Variants in CST5 observed in about 807,000 individuals in gnomAD.
The protein encoded by CST5 is cystatin D, also known as cystatin-D.
In CST5, 13 loss-of-function variants were observed where a neutral mutation model predicts 11.5. The observed-to-expected ratio is 1.13, with a 90% confidence interval of 0.73 to 1.79. The LOEUF (loss-of-function observed/expected upper bound fraction) is 1.79, where lower values mean the gene tolerates loss of function less well. Among genes scored for constraint, CST5 ranks in the 40% most tolerant of loss-of-function variants. The probability of loss-of-function intolerance (pLI) is 0.00; values close to 1 mark genes in which losing one functional copy is unlikely to be tolerated. For missense variants in CST5, 219 were observed against 174.5 expected, an observed-to-expected ratio of 1.25 and a Z score of -1.44; for synonymous variants, 81 against 67.6, an observed-to-expected ratio of 1.20 and a Z score of -0.97.
At position 23,879,584 on chromosome 20, in the gene CST5, T is replaced by A. The variant is rs74459700; in HGVS notation, c.93A>T (p.Ala31=). The A allele has an allele frequency of 1.9e-6, 3 of 1,614,080 alleles. No individual in the cohort carries two copies. Among genetic ancestry groups the A allele is most frequent in the Admixed American group, 1.7e-5 (1 of 60,026 alleles). Residue 31 remains alanine, a synonymous_variant, in exon 1 of 3, where the codon GCA becomes GCT. Transcript: ENST00000304710. ...GSASAQSRTL[A]GGIHATDLND... is the part of the protein sequence containing the mutation. The stretch of plus-strand genomic sequence containing the variant: ...TGAGGTCTGTGGCATGGATGCCACC[T>A]GCCAAGGTCCTAGATTGGGCCGAGG...
At chr20:23,879,013 G>C (rs1410435342) in intron 1 of CST5, among the ~76,000 whole-genome samples, 2 of 152,236 alleles carry the variant, frequency 1.3e-5, no homozygotes, top group Non-Finnish European at 2.9e-5. Flanking sequence ...ATAACGGGCT[G>C]TGCCCAGGGG....
At chr20:23,877,957 C>T (rs762624452) in intron 1 of CST5, among the ~76,000 whole-genome samples, 1 of 152,198 alleles carries the variant, frequency 6.6e-6, no homozygotes, top group Non-Finnish European at 1.5e-5. Context: ...CAGGGTGGGA[C>T]AAAGAAACAG....
chr20:23,877,033 A>G (rs1197872981), intron 2 of CST5, among the ~76,000 whole-genome samples: 4 of 151,972 alleles, frequency 2.6e-5, no homozygotes, highest in African/African-American at 9.7e-5. Context: ...CATCACCCCT[A>G]TCCACACCAC....
At position 23,877,556 on chromosome 20, in the gene CST5, G is replaced by A. The variant is rs1242172825; in HGVS notation, c.294C>T (p.Ser98=). Residue 98 remains serine, a synonymous_variant, in exon 2 of 3, where the codon TCC becomes TCT. Transcript: ENST00000304710. ...AGGGACAGTTGTCCAAGTTGGGCTGGGACTTGGTGCATGTGGTTCGACCGA... is the reference window on the plus strand; with the variant it reads ...AGGGACAGTTGTCCAAGTTGGGCTGAGACTTGGTGCATGTGGTTCGACCGA... ...VKFGRTTCTK[S]QPNLDNCPFN... The A allele has an allele frequency of 1.9e-6, 3 of 1,613,962 alleles. No homozygotes were observed. The highest frequency in any genetic ancestry group is 1.7e-5 in the Admixed American group (1 of 59,986).
chr20:23,879,646 G>T lies in CST5; in HGVS notation c.31C>A (p.Leu11Met). 3 of 1,614,076 alleles carry T rather than the reference G, an allele frequency of 1.9e-6. No homozygotes were observed. Among genetic ancestry groups the T allele is most frequent in the Non-Finnish European group, 2.5e-6 (3 of 1,179,962 alleles). Residue 11 changes from leucine to methionine, a missense_variant, in exon 1 of 3, where the codon CTG becomes ATG. Transcript: ENST00000304710. Reference sequence around the variant, plus strand: ...ACGGCCACCATCAAGGCAGTCAGCAGCAGCAGTGGGGTGTGCATGGGCCAC... The same window carrying T: ...ACGGCCACCATCAAGGCAGTCAGCATCAGCAGTGGGGTGTGCATGGGCCAC... MMWPMHTPLL[L>M]LTALMVAVAG...
Position 23,877,718 on chromosome 20 carries a change from TTCA to T in CST5, c.232-103_232-101del, listed in dbSNP as rs369758410. ...CTGAGTCACTGGGCTTGCCTGGGGC[TTCA>T]TGCCCACACTGTCACCCAAAAGGCA... On this transcript the variant is annotated intron_variant, in intron 1 of 2. Coordinates refer to ENST00000304710, the MANE Select transcript of CST5 (RefSeq NM_001900.5). 802 of 951,834 alleles carry T rather than the reference TTCA, an allele frequency of 8.4e-4. 8 individuals carry two copies. In the South Asian group the frequency reaches 0.012, roughly 14 times the overall value. The allele number at this position is 951,834 out of a possible 1,614,324, so 59.0% of individuals were successfully genotyped here. A position where few individuals can be genotyped will look rare whatever the true frequency, so the allele number is the denominator to read the frequency against.
chr20:23,876,934 C>T (rs1985975359), intron 2 of CST5, among the ~76,000 whole-genome samples: 1 of 152,166 alleles, frequency 6.6e-6, no homozygotes, highest in African/African-American at 2.4e-5. Context: ...CAGCTTCTTC[C>T]TCCAGTCCAA....
At chr20:23,876,302 T>C (rs752654917) in intron 2 of CST5, 31 bp from the exon 3 acceptor site, 33 of 1,569,676 alleles carry the variant, frequency 2.1e-5, no homozygotes, top group Non-Finnish European at 2.7e-5. Flanking sequence ...AGAAAATGAC[T>C]GTGGGTTACA....
Position 23,879,709 on chromosome 20 carries a change from C to A in CST5, c.-33G>T. The A allele has an allele frequency of 1.3e-6, 2 of 1,594,546 alleles. No individual in the cohort carries two copies. The highest frequency in any genetic ancestry group is 8.6e-7 in the Non-Finnish European group (1 of 1,165,784). Reference sequence around the variant, plus strand: ...TGGGACACAGAGCAAGGAGCTGGATCTCCCAGAGAGCAAAGCAGCAGAAGG... The same window carrying A: ...TGGGACACAGAGCAAGGAGCTGGATATCCCAGAGAGCAAAGCAGCAGAAGG... On this transcript the variant is annotated 5_prime_UTR_variant, in exon 1 of 3. Coordinates refer to ENST00000304710, the MANE Select transcript of CST5 (RefSeq NM_001900.5).
intron 2 of CST5, among the ~76,000 whole-genome samples, chr20:23,876,528 C>T (rs975635823): frequency 2.6e-5 from 4 of 152,186 alleles, no homozygotes; most frequent in African/African-American, 9.7e-5. Flanking sequence ...CCCAGCGCAG[C>T]CCTATGAGGA....
At chr20:23,879,025 G>A (rs919574297) in intron 1 of CST5, among the ~76,000 whole-genome samples, 21 of 152,220 alleles carry the variant, frequency 1.4e-4, no homozygotes, top group Non-Finnish European at 1.8e-4. Flanking sequence ...GCCCAGGGGC[G>A]TGACTTGGGA....
At position 23,877,716 on chromosome 20, in the gene CST5, G is replaced by A. The variant is rs377584864; in HGVS notation, c.232-98C>T. ...GACTGAGTCACTGGGCTTGCCTGGG[G>A]CTTCATGCCCACACTGTCACCCAAA... On this transcript the variant is annotated intron_variant, in intron 1 of 2. Coordinates refer to ENST00000304710, the MANE Select transcript of CST5 (RefSeq NM_001900.5). The A allele has an allele frequency of 2.8e-3, 2,724 of 968,134 alleles. 33 individuals carry two copies. Among genetic ancestry groups the A allele is most frequent in the South Asian group, 0.024 (1,577 of 65,436 alleles). The allele number at this position is 968,134 out of a possible 1,614,324, so 60.0% of individuals were successfully genotyped here.
In CST5 at chr20:23,876,268, C is replaced by T. The variant is rs779763862; in HGVS notation, c.349G>A (p.Glu117Lys). The T allele has an allele frequency of 3.1e-6, 5 of 1,611,564 alleles. No homozygotes were observed. The highest frequency in any genetic ancestry group is 1.7e-4 in the Middle Eastern group (1 of 6,050). ...FNDQPKLKEE[E>K]FCSFQINEVP... The stretch of plus-strand genomic sequence containing the variant: ...TCATTGATCTGGAAAGAGCAGAACT[C>T]TTCCTGTGAAAAGAAAGAGATGGAG... Residue 117 changes from glutamate to lysine, a missense_variant, in exon 3 of 3, where the codon GAG (glutamate) becomes AAG (lysine). By Grantham distance (56) the Glu-to-Lys change is moderately conservative. Coordinates refer to ENST00000304710, the MANE Select transcript of CST5 (RefSeq NM_001900.5).
chr20:23,879,486 T>C lies in CST5; in HGVS notation c.191A>G (p.Tyr64Cys), dbSNP rs145773417. The change falls in exon 1 of 3, where the codon TAC (tyrosine) becomes TGC (cysteine). Residue 64 changes from tyrosine to cysteine, a missense_variant. By Grantham distance (194) the Tyr-to-Cys change is radical. Coordinates refer to ENST00000304710, the MANE Select transcript of CST5 (RefSeq NM_001900.5). ...EYNKVINKDE[Y>C]YSRPLQVMAA... ...CATCACCTGCAGAGGGCGGCTGTAG[T>C]ACTCATCCTTATTAATGACCTTGTT... The C allele has an allele frequency of 3.7e-6, 6 of 1,613,994 alleles. No homozygotes were observed. Among genetic ancestry groups the C allele is most frequent in the Non-Finnish European group, 5.1e-6 (6 of 1,179,964 alleles).
At position 23,877,504 on chromosome 20, in the gene CST5, C is replaced by T. The variant is rs1368813982; in HGVS notation, c.345+1G>A. ...GCCCCTGACCCACATCAGGCACATA[C>T]CTCTTTCAGTTTTGGCTGGTCATTG... On this transcript the variant is annotated splice_donor_variant, in intron 2 of 2. Coordinates refer to ENST00000304710, the MANE Select transcript of CST5 (RefSeq NM_001900.5). LOFTEE classifies it high-confidence loss of function. 3.7e-6 allele frequency: 6 copies of T among 1,613,416 alleles called. No individual in the cohort carries two copies. The highest frequency in any genetic ancestry group is 2.2e-5 in the South Asian group (2 of 91,062).
At position 23,879,726 on chromosome 20, in the gene CST5, A is replaced by G; in HGVS notation, c.-50T>C. 1 of 1,568,628 alleles carries G rather than the reference A, an allele frequency of 6.4e-7. No homozygotes were observed. Among genetic ancestry groups the G allele is most frequent in the Non-Finnish European group, 8.7e-7 (1 of 1,148,036 alleles). ...AGCTGGATCTCCCAGAGAGCAAAGCAGCAGAAGGCTGAGGCAGGAAGCCCA... is the reference window on the plus strand; with the variant it reads ...AGCTGGATCTCCCAGAGAGCAAAGCGGCAGAAGGCTGAGGCAGGAAGCCCA... On this transcript the variant is annotated 5_prime_UTR_variant, in exon 1 of 3. Coordinates refer to ENST00000304710, the MANE Select transcript of CST5 (RefSeq NM_001900.5).
At chr20:23,879,398 A>G in intron 1 of CST5, 48 bp downstream of exon 1, 1 of 1,518,870 alleles carries the variant, frequency 6.6e-7, no homozygotes, top group South Asian at 1.1e-5. Context: ...GGGTGAGGCA[A>G]AAAACCCAGC....
rs1033196130 is a variant in CST5 at position 23,877,746 on chromosome 20, A to G, written c.232-128T>C. ...ATGCCCACACTGTCACCCAAAAGGC[A>G]CACAAGCCACCTTCTCCTGCTGGCT... On this transcript the variant is annotated intron_variant, in intron 1 of 2. Transcript: ENST00000304710. 3 of 710,576 alleles carry G rather than the reference A, an allele frequency of 4.2e-6. No individual in the cohort carries two copies. In the South Asian group the frequency reaches 5.2e-5, roughly 12 times the overall value. 44.0% of individuals were successfully genotyped at this position (710,576 alleles called of 1,614,324 possible). A position where few individuals can be genotyped will look rare whatever the true frequency, so the allele number is the denominator to read the frequency against.
At chr20:23,877,085 A>G (rs1985979004) in intron 2 of CST5, among the ~76,000 whole-genome samples, 3 of 152,056 alleles carry the variant, frequency 2.0e-5, no homozygotes, top group Admixed American at 1.3e-4. Flanking sequence ...ACTCACAGCA[A>G]CCCTCACCCA....
Sources: gnomAD v4.1 joint callset for allele counts (sites outside exome capture counted in the v4.1 genomes callset) on GRCh38, gnomAD v4.1.1 for gene constraint, MANE v1.5 for transcripts, NCBI Gene and HGNC (gene_info 2026-07-23, HGNC 2026-07-21) for gene names.